PCDH11X: variants seen among roughly 807,000 people sequenced by gnomAD.
The protein encoded by PCDH11X is protocadherin-11 X-linked.
In PCDH11X, 18 loss-of-function variants were observed where a neutral mutation model predicts 53.3. The observed-to-expected ratio is 0.34, with a 90% CI of 0.23 to 0.50. The LOEUF is 0.50. Among genes scored for constraint, PCDH11X ranks in the 20% least tolerant of loss-of-function variants. The pLI is 0.98. For missense variants in PCDH11X, 570 were observed against 1,032.4 expected, an observed-to-expected ratio of 0.55 and a Z score of 6.14; for synonymous variants, 279 against 393.3, an observed-to-expected ratio of 0.71 and a Z score of 3.44.
At chrX:91,903,243 C>G (rs1382675321) in intron 6 of PCDH11X, among the ~76,000 whole-genome samples, 1 of 111,604 alleles carries the variant, frequency 9.0e-6, no homozygotes, top group African/African-American at 3.3e-5. Flanking sequence ...AGCTGCTTAG[C>G]TGGCATTCAT....
chrX:92,525,862 G>A (rs372229474), intron 10 of PCDH11X, among the ~76,000 whole-genome samples: 1 of 110,425 alleles, frequency 9.1e-6, no homozygotes, highest in African/African-American at 3.3e-5. Flanking sequence ...TCATTCATTG[G>A]GTCATTTTCT....
At chrX:92,321,273 A>C (rs1304203458) in intron 8 of PCDH11X, among the ~76,000 whole-genome samples, 2 of 99,997 alleles carry the variant, frequency 2.0e-5, no homozygotes, top group African/African-American at 7.6e-5. Flanking sequence ...GCTCACTGCG[A>C]GCTCCGCCAC....
chrX:92,523,131 T>A (rs1307226140), intron 10 of PCDH11X, among the ~76,000 whole-genome samples: 6 of 112,190 alleles, frequency 5.3e-5, no homozygotes, highest in Non-Finnish European at 1.1e-4. Context: ...CAGAATAACA[T>A]CAAAGCGACA....
At chrX:92,005,027 G>A (rs2062576013) in intron 6 of PCDH11X, among the ~76,000 whole-genome samples, 1 of 110,828 alleles carries the variant, frequency 9.0e-6, no homozygotes, top group East Asian at 2.9e-4. Flanking sequence ...TCCTGTCTCA[G>A]CCTCCTAAAG....
intron 6 of PCDH11X, among the ~76,000 whole-genome samples, chrX:92,189,424 G>A (rs1272911894): frequency 8.9e-6 from 1 of 111,777 alleles, no homozygotes; most frequent in East Asian, 2.8e-4. Context: ...GTTCCATGGT[G>A]TATATGTACC....
rs67334455 is a variant in PCDH11X, at chrX:91,932,671, AGTGTGT to A, written c.3033+53422_3033+53427del. Among the ~76,000 whole-genome samples the A allele has an allele frequency of 2.2e-3, 210 of 94,634 alleles. 5 individuals are homozygous for A. The highest frequency in any genetic ancestry group is 1.0e-3 in the Non-Finnish European group (49 of 47,171). The allele number at this position is 94,634 out of a possible 115,157, so 82.2% of individuals were successfully genotyped here. A position where few individuals can be genotyped will look rare whatever the true frequency, so the allele number is the denominator to read the frequency against. ...ATGGTGTATGTGTCTGCATTGTGTG[AGTGTGT>A]GTGTGTGTGTGTGTGTGTGTGTGCG... On this transcript the variant is annotated intron_variant, in intron 6 of 10. Coordinates refer to ENST00000682573, the MANE Select transcript of PCDH11X (RefSeq NM_032968.5).
At chrX:92,184,710 G>A (rs938267970) in intron 6 of PCDH11X, among the ~76,000 whole-genome samples, 5 of 110,670 alleles carry the variant, frequency 4.5e-5, no homozygotes, top group Non-Finnish European at 7.6e-5. Context: ...TTCAATAGAG[G>A]CACCAAGAAT....
intron 6 of PCDH11X, among the ~76,000 whole-genome samples, chrX:92,002,831 T>C (rs2062533109): frequency 9.1e-6 from 1 of 109,301 alleles, no homozygotes; most frequent in Non-Finnish European, 1.9e-5. Flanking sequence ...TTATATCATA[T>C]TCATACAAGA....
At chrX:92,383,321 G>GT (rs34013943) in intron 8 of PCDH11X, among the ~76,000 whole-genome samples, 31 of 72,510 alleles carry the variant, frequency 4.3e-4, no homozygotes, top group Non-Finnish European at 7.3e-4. Context: ...GTAGATAAAT[G>GT]TTTTTTTTTT....
At chrX:92,288,340 T>C (rs2148454053) in intron 8 of PCDH11X, among the ~76,000 whole-genome samples, 1 of 110,015 alleles carries the variant, frequency 9.1e-6, no homozygotes, top group South Asian at 3.9e-4. Context: ...GAAAGGACCT[T>C]AAGTCACTTG....
At chrX:92,085,507 A>AT (rs2063935683) in intron 6 of PCDH11X, among the ~76,000 whole-genome samples, 1 of 102,588 alleles carries the variant, frequency 9.7e-6, no homozygotes, top group Non-Finnish European at 1.9e-5. Flanking sequence ...AGCCACCCAG[A>AT]TGCCATGGCT....
intron 10 of PCDH11X, among the ~76,000 whole-genome samples, chrX:92,617,967 TA>T (rs1235351374): frequency 9.0e-6 from 1 of 111,320 alleles, no homozygotes; most frequent in African/African-American, 3.3e-5. Context: ...CTTGCATGTA[TA>T]GATGAATGAT....
chrX:92,015,405 T>C (rs1315324201), intron 6 of PCDH11X, among the ~76,000 whole-genome samples: 1 of 112,289 alleles, frequency 8.9e-6, no homozygotes, highest in African/African-American at 3.2e-5. Context: ...AAAAATACTC[T>C]GTAGCATGCA....
At chrX:92,262,981 T>C in intron 7 of PCDH11X, 133 bp from the exon 8 acceptor site, 3 of 1,073,430 alleles carry the variant, frequency 2.8e-6, no homozygotes, top group Non-Finnish European at 3.6e-6. Context: ...CTGTGTACCA[T>C]TGCACTGGGA....
chrX:92,399,756 T>TTTAC (rs1447575362), intron 9 of PCDH11X, among the ~76,000 whole-genome samples: 1 of 109,169 alleles, frequency 9.2e-6, no homozygotes, highest in Admixed American at 1.0e-4. Flanking sequence ...TATTTATTTA[T>TTTAC]TTTGAAACGG....
At chrX:92,022,247 C>G (rs1203595330) in intron 6 of PCDH11X, among the ~76,000 whole-genome samples, 1 of 108,287 alleles carries the variant, frequency 9.2e-6, no homozygotes, top group Non-Finnish European at 1.9e-5. Flanking sequence ...AGAGTCAAGA[C>G]CCATCAGTGT....
rs779079996 is a variant in PCDH11X at position 91,877,962 on chromosome X, A to G, written c.1722A>G (p.Glu574=). ...ATAGCCCAGTTTTCACTCACAATGAATACAACTTCTATGTCCCAGAAAACC... is the reference window on the plus strand; with the variant it reads ...ATAGCCCAGTTTTCACTCACAATGAGTACAACTTCTATGTCCCAGAAAACC... ...NDNSPVFTHN[E]YNFYVPENLP... is the part of the protein sequence containing the mutation. The change falls in exon 6 of 11, where the codon GAA becomes GAG. Residue 574 remains glutamate (E), a synonymous_variant. Transcript: ENST00000682573. 5 of 1,211,963 alleles carry G rather than the reference A, an allele frequency of 4.1e-6. No individual in the cohort carries two copies. The highest frequency in any genetic ancestry group is 3.3e-6 in the Non-Finnish European group (3 of 895,529).
At chrX:92,253,006 T>C (rs1187168031) in intron 7 of PCDH11X, among the ~76,000 whole-genome samples, 1 of 109,525 alleles carries the variant, frequency 9.1e-6, no homozygotes, top group Non-Finnish European at 1.9e-5. Flanking sequence ...GAAACCAGAA[T>C]GAAGATAGCA....
At chrX:92,585,467 G>C (rs1436220292) in intron 10 of PCDH11X, among the ~76,000 whole-genome samples, 1 of 106,792 alleles carries the variant, frequency 9.4e-6, no homozygotes, top group Non-Finnish European at 1.9e-5. Flanking sequence ...CGCCTCCCGG[G>C]TTCATGCCAT....
Sources: gnomAD v4.1 joint callset for allele counts (sites outside exome capture counted in the v4.1 genomes callset) on GRCh38, gnomAD v4.1.1 for gene constraint, MANE v1.5 for transcripts, NCBI Gene and HGNC (gene_info 2026-07-23, HGNC 2026-07-21) for gene names.